Variants in LRRC4C observed in about 807,000 individuals in gnomAD.
LRRC4C encodes leucine-rich repeat-containing protein 4C.
Under a neutral mutation model 33.6 loss-of-function variants are expected in LRRC4C, and 5 were observed. The observed-to-expected ratio is 0.15, with a 90% CI of 0.08 to 0.31. The LOEUF is 0.31. Ranked by LOEUF, LRRC4C falls within the 10% of genes least tolerant of loss-of-function variation. LRRC4C has a pLI of 1.00. For missense variants in LRRC4C, 560 were observed against 796.7 expected (o/e 0.70, Z 3.58); for synonymous variants, 329 against 302.0 (o/e 1.09, Z -0.93).
intron 4 of LRRC4C, among the ~76,000 whole-genome samples, chr11:40,284,325 T>C (rs984131288): frequency 6.6e-6 from 1 of 152,192 alleles, no homozygotes; most frequent in Admixed American, 6.5e-5. Context: ...GGCTGGCCTG[T>C]GCTGTTGAGA....
At chr11:40,972,723 G>A (rs1007985004) in intron 1 of LRRC4C, among the ~76,000 whole-genome samples, 8 of 152,036 alleles carry the variant, frequency 5.3e-5, no homozygotes, top group South Asian at 2.1e-4. Context: ...AAACTCACTC[G>A]CTATCATGAG....
At chr11:40,128,658 T>C (rs1856431452) in intron 6 of LRRC4C, among the ~76,000 whole-genome samples, 1 of 152,106 alleles carries the variant, frequency 6.6e-6, no homozygotes, top group Non-Finnish European at 1.5e-5. Flanking sequence ...CTTCTCCCAC[T>C]TCTCAACTTT....
intron 5 of LRRC4C, among the ~76,000 whole-genome samples, chr11:40,240,533 CACACAGAG>C (rs1865862877): frequency 6.6e-6 from 1 of 152,104 alleles, no homozygotes; most frequent in African/African-American, 2.4e-5. Context: ...CAGTTTCTCC[CACACAGAG>C]ACACTAAACA....
At chr11:40,335,065 T>C (rs1011946781) in intron 3 of LRRC4C, among the ~76,000 whole-genome samples, 7 of 152,198 alleles carry the variant, frequency 4.6e-5, no homozygotes, top group African/African-American at 4.8e-5. Context: ...TGCTTGATAT[T>C]ATTTTTTAAA....
chr11:40,426,987 T>A (rs1950740409), intron 3 of LRRC4C, among the ~76,000 whole-genome samples: 1 of 152,214 alleles, frequency 6.6e-6, no homozygotes, highest in Non-Finnish European at 1.5e-5. Flanking sequence ...GTTTCTGTAC[T>A]GGAATGCTTA....
chr11:41,313,257 C>T (rs1234845105), intron 1 of LRRC4C, among the ~76,000 whole-genome samples: 1 of 152,190 alleles, frequency 6.6e-6, no homozygotes, highest in Non-Finnish European at 1.5e-5. Context: ...TGTTTCTTCT[C>T]ATGGCTGTAT....
chr11:40,849,509 C>A (rs1393634892), intron 2 of LRRC4C, among the ~76,000 whole-genome samples: 1 of 152,162 alleles, frequency 6.6e-6, no homozygotes, highest in African/African-American at 2.4e-5. Context: ...CAGAGAGATC[C>A]CCTGTTAGTC....
chr11:41,016,525 T>A (rs1855596974), intron 1 of LRRC4C, among the ~76,000 whole-genome samples: 1 of 152,332 alleles, frequency 6.6e-6, no homozygotes, highest in Non-Finnish European at 1.5e-5. Flanking sequence ...CCTTTTGCGA[T>A]CTTATTTGCT....
chr11:41,277,344 T>C (rs1191665416), intron 1 of LRRC4C, among the ~76,000 whole-genome samples: 1 of 152,170 alleles, frequency 6.6e-6, no homozygotes, highest in Non-Finnish European at 1.5e-5. Context: ...GCCATTACAC[T>C]CAATTTTTAA....
chr11:40,267,121 C>T (rs1942331441), intron 4 of LRRC4C, among the ~76,000 whole-genome samples: 4 of 152,206 alleles, frequency 2.6e-5, no homozygotes, highest in Admixed American at 2.6e-4. Flanking sequence ...TCTCTCTTAT[C>T]ACTAGTTTTG....
chr11:41,115,615 T>C (rs1313670799), intron 1 of LRRC4C, among the ~76,000 whole-genome samples: 5 of 152,114 alleles, frequency 3.3e-5, no homozygotes, highest in Non-Finnish European at 7.4e-5. Flanking sequence ...TAAACACTTG[T>C]GAGTTTCAGA....
At chr11:40,385,897 A>AAATAAAT (rs1256538516) in intron 3 of LRRC4C, among the ~76,000 whole-genome samples, 7 of 144,506 alleles carry the variant, frequency 4.8e-5, no homozygotes, top group African/African-American at 1.7e-4. Context: ...TAAATAAAAT[A>AAATAAAT]AAATAAAATA....
At chr11:40,577,097 A>G (rs1958224005) in intron 3 of LRRC4C, among the ~76,000 whole-genome samples, 2 of 152,238 alleles carry the variant, frequency 1.3e-5, no homozygotes, top group African/African-American at 4.8e-5. Context: ...TATCAGAGAT[A>G]GATATACACT....
At chr11:40,320,268 G>A (rs1349188929) in intron 3 of LRRC4C, among the ~76,000 whole-genome samples, 1 of 152,320 alleles carries the variant, frequency 6.6e-6, no homozygotes, top group East Asian at 1.9e-4. Context: ...CACTTTGGGA[G>A]GCAGAGGTGG....
chr11:40,164,988 A>C (rs1590588699), intron 5 of LRRC4C, among the ~76,000 whole-genome samples: 1 of 152,194 alleles, frequency 6.6e-6, no homozygotes, highest in Non-Finnish European at 1.5e-5. Flanking sequence ...TTTATCCAGG[A>C]ATCTTAAAAA....
At chr11:40,953,663 C>T (rs1396679293) in intron 1 of LRRC4C, among the ~76,000 whole-genome samples, 1 of 151,522 alleles carries the variant, frequency 6.6e-6, no homozygotes, top group Non-Finnish European at 1.5e-5. Context: ...ATCAAAAATA[C>T]CCATTGACCT....
intron 2 of LRRC4C, among the ~76,000 whole-genome samples, chr11:40,791,834 CTT>C (rs1286222428): frequency 6.6e-6 from 1 of 152,050 alleles, no homozygotes; most frequent in Non-Finnish European, 1.5e-5. Flanking sequence ...AAACTAGTCT[CTT>C]ATTTGTTTTT....
At chr11:40,780,049 A>G (rs1228979811) in intron 2 of LRRC4C, among the ~76,000 whole-genome samples, 4 of 152,192 alleles carry the variant, frequency 2.6e-5, no homozygotes, top group African/African-American at 7.2e-5. Flanking sequence ...TCTTTAAAAT[A>G]AGACTTAAAT....
chr11:40,435,476 A>C (rs192928270), intron 3 of LRRC4C, among the ~76,000 whole-genome samples: 111 of 152,320 alleles, frequency 7.3e-4, no homozygotes, highest in African/African-American at 2.4e-3. Flanking sequence ...CTCCATCTGC[A>C]TTGATTTATT....
Sources: gnomAD v4.1 joint callset for allele counts (sites outside exome capture counted in the v4.1 genomes callset) on GRCh38, gnomAD v4.1.1 for gene constraint, MANE v1.5 for transcripts, NCBI Gene and HGNC (gene_info 2026-07-23, HGNC 2026-07-21) for gene names.